The following LGR6 variants were observed in gnomAD, a reference collection of about 807,000 sequenced individuals.
LGR6 encodes leucine-rich repeat-containing G protein-coupled receptor 6.
A neutral mutation model predicts 69.4 loss-of-function variants in LGR6; 45 were observed. That is an observed-to-expected ratio of 0.65 (90% CI 0.51 to 0.83). The LOEUF is 0.83. Among genes scored for constraint, LGR6 ranks in the 40% least tolerant of loss-of-function variants. The pLI, the probability that LGR6 is intolerant of heterozygous loss-of-function variation, is 0.00. For missense variants in LGR6, 1,108 were observed against 1,246.7 expected (o/e 0.89, Z 1.68); for synonymous variants, 538 against 555.0 (o/e 0.97, Z 0.43).
At chr1:202,266,202 G>A (rs987165909) in intron 4 of LGR6, among the ~76,000 whole-genome samples, 1 of 152,158 alleles carries the variant, frequency 6.6e-6, no homozygotes, top group Non-Finnish European at 1.5e-5. Flanking sequence ...CCTGGAGGTG[G>A]GGGAGTGGGG....
intron 5 of LGR6, among the ~76,000 whole-genome samples, chr1:202,278,695 A>G (rs1392999188): frequency 6.6e-6 from 1 of 152,102 alleles, no homozygotes; most frequent in African/African-American, 2.4e-5. Context: ...GGTAAGGAAG[A>G]CTGGATATGA....
chr1:202,244,760 T>C (rs1662505916), intron 4 of LGR6, among the ~76,000 whole-genome samples: 1 of 152,192 alleles, frequency 6.6e-6, no homozygotes, highest in Non-Finnish European at 1.5e-5. Flanking sequence ...TTCTGGGGCC[T>C]CCATTTCACC....
intron 2 of LGR6, among the ~76,000 whole-genome samples, chr1:202,227,115 CAT>C (rs1335089705): frequency 6.6e-6 from 1 of 152,160 alleles, no homozygotes; most frequent in Admixed American, 6.5e-5. Context: ...TGCCTTTCCA[CAT>C]AGTTTTTTTT....
chr1:202,235,986 C>A lies in LGR6; in HGVS notation c.421C>A (p.Gln141Lys). 1 of 1,613,610 alleles carries A rather than the reference C, an allele frequency of 6.2e-7. No individual in the cohort carries two copies. The highest frequency in any genetic ancestry group is 1.1e-5 in the South Asian group (1 of 91,078). ...GGCGCTGTGGGAGCTGCCGAGCCTG[C>A]AGTCGCTGTGAGTCATTAGAGGGCT... is the stretch of plus-strand genomic sequence containing the variant. ...AEALWELPSL[Q>K]SLRLDANLIS... is the part of the protein sequence containing the mutation. The change falls in exon 4 of 18, where the codon CAG becomes AAG. Residue 141 changes from glutamine (Q) to lysine (K), a missense_variant. By Grantham distance (53) the Gln-to-Lys change is moderately conservative. Transcript: ENST00000367278.
At chr1:202,288,501 C>G (rs1666562146) in intron 6 of LGR6, among the ~76,000 whole-genome samples, 1 of 152,154 alleles carries the variant, frequency 6.6e-6, no homozygotes. Context: ...CCTGGCAAAT[C>G]TTTATCCTCT....
chr1:202,231,938 C>T lies in LGR6; in HGVS notation c.356+3931C>T, dbSNP rs113083908. On this transcript the variant is annotated intron_variant, in intron 3 of 17. Coordinates refer to ENST00000367278, the MANE Select transcript of LGR6 (RefSeq NM_001017403.2). Reference sequence around the variant, plus strand: ...TGAAAGCCCATCTCCACTAAAAATACAAAATTAGCAGGGCGTGGTGGCGCA... The same window carrying T: ...TGAAAGCCCATCTCCACTAAAAATATAAAATTAGCAGGGCGTGGTGGCGCA... Among the ~76,000 whole-genome samples, 743 of 152,174 alleles carry T rather than the reference C, an allele frequency of 4.9e-3. 9 individuals are homozygous for T. Among genetic ancestry groups the T allele is most frequent in the African/African-American group, 0.017 (720 of 41,516 alleles).
intron 1 of LGR6, among the ~76,000 whole-genome samples, chr1:202,202,511 G>T (rs777043312): frequency 2.6e-5 from 4 of 152,190 alleles, no homozygotes; most frequent in Admixed American, 6.5e-5. Flanking sequence ...TGGGTTCGAG[G>T]CTAAGTTCCA....
At position 202,276,183 on chromosome 1, in the gene LGR6, T is replaced by G. The variant is rs182442572; in HGVS notation, c.429-123T>G. On this transcript the variant is annotated intron_variant, in intron 4 of 17. Transcript: ENST00000367278. The stretch of plus-strand genomic sequence containing the variant: ...GGATACAGGATACATGGTGGCCAAG[T>G]CACAACTTTAGTCCCAGGGAGCCTC... 974 of 722,580 alleles carry G rather than the reference T, an allele frequency of 1.3e-3. 3 individuals are homozygous for G. The highest frequency in any genetic ancestry group is 1.9e-3 in the Non-Finnish European group (814 of 418,348). The allele number at this position is 722,580 out of a possible 1,614,324, so 44.8% of individuals were successfully genotyped here.
At chr1:202,288,052 G>A (rs1011735859) in intron 6 of LGR6, among the ~76,000 whole-genome samples, 3 of 151,834 alleles carry the variant, frequency 2.0e-5, no homozygotes, top group Admixed American at 2.0e-4. Flanking sequence ...CTCAGATGCT[G>A]TGGCCCCTTG....
At chr1:202,303,407 T>G in intron 10 of LGR6, 60 bp downstream of exon 10, 4 of 1,316,356 alleles carry the variant, frequency 3.0e-6, no homozygotes, top group Non-Finnish European at 4.4e-6. Flanking sequence ...CAAGAGCTCT[T>G]CCACTCCCTG....
intron 3 of LGR6, among the ~76,000 whole-genome samples, chr1:202,232,275 G>A (rs1328602651): frequency 6.6e-6 from 1 of 152,090 alleles, no homozygotes; most frequent in Non-Finnish European, 1.5e-5. Flanking sequence ...ACCACAGGTG[G>A]ATCACCTCTT....
intron 4 of LGR6, among the ~76,000 whole-genome samples, chr1:202,267,980 A>C (rs1387554200): frequency 6.6e-6 from 1 of 152,156 alleles, no homozygotes; most frequent in Middle Eastern, 3.2e-3. Flanking sequence ...GCTTTATGGA[A>C]GCCTTCATGA....
At chr1:202,252,149 G>T (rs1270624862) in intron 4 of LGR6, among the ~76,000 whole-genome samples, 1 of 152,044 alleles carries the variant, frequency 6.6e-6, no homozygotes, top group East Asian at 1.9e-4. Context: ...AATTATACCT[G>T]TTTTCACCTT....
chr1:202,220,514 C>T (rs562692943), intron 1 of LGR6, among the ~76,000 whole-genome samples: 3 of 152,340 alleles, frequency 2.0e-5, no homozygotes, highest in South Asian at 2.1e-4. Context: ...TCACCACGCC[C>T]GGCCCACACT....
chr1:202,290,273 A>G (rs1666699937), intron 6 of LGR6, among the ~76,000 whole-genome samples: 3 of 152,240 alleles, frequency 2.0e-5, no homozygotes, highest in Admixed American at 2.0e-4. Context: ...CACAGAAGGC[A>G]AGAACTCTCT....
chr1:202,202,277 A>G (rs11580571), intron 1 of LGR6, among the ~76,000 whole-genome samples: 27,115 of 152,100 alleles, frequency 0.18, 2,932 homozygotes, highest in East Asian at 0.32. Context: ...TTTTTCCCTC[A>G]GGGCACACAT....
intron 4 of LGR6, among the ~76,000 whole-genome samples, chr1:202,273,723 TG>T (rs903424995): frequency 1.3e-5 from 2 of 152,172 alleles, no homozygotes; most frequent in African/African-American, 4.8e-5. Flanking sequence ...CCCAAAATGC[TG>T]GGATTACAGG....
chr1:202,194,631 A>G (rs777685786), intron 1 of LGR6: 2 of 522,814 alleles, frequency 3.8e-6, no homozygotes, highest in Non-Finnish European at 7.8e-6. Flanking sequence ...AGTAGGGTGG[A>G]AATAATGTCT....
In LGR6 at chr1:202,194,196, T is replaced by C. The variant is rs1658545393; in HGVS notation, c.207T>C (p.Ala69=). The C allele has an allele frequency of 2.6e-6, 4 of 1,557,786 alleles. No individual in the cohort carries two copies. Among genetic ancestry groups the C allele is most frequent in the Non-Finnish European group, 3.4e-6 (4 of 1,160,196 alleles). The change falls in exon 1 of 18, where the codon GCT becomes GCC. Residue 69 remains alanine (A), a synonymous_variant. Transcript: ENST00000367278. ...AVPGDLDPLT[A]YLDLSMNNLT... Reference sequence around the variant, plus strand: ...CGGGGGACCTGGACCCCCTGACGGCTTACCTGTGAGTACTGCCCGCCTGTC... The same window carrying C: ...CGGGGGACCTGGACCCCCTGACGGCCTACCTGTGAGTACTGCCCGCCTGTC...
Sources: allele counts gnomAD v4.1 joint callset (sites outside exome capture counted in the v4.1 genomes callset), GRCh38; gene constraint gnomAD v4.1.1; transcripts MANE v1.5; gene names NCBI Gene and HGNC (gene_info 2026-07-23, HGNC 2026-07-21).